The following TNKS variants were observed in gnomAD, a reference collection of about 807,000 sequenced individuals.
TNKS encodes poly [ADP-ribose] polymerase tankyrase-1.
In TNKS, 72 loss-of-function variants were observed where a neutral mutation model predicts 135.8. That is an observed-to-expected ratio of 0.53 (90% CI 0.44 to 0.64). TNKS has a LOEUF of 0.64. Among genes scored for constraint, TNKS ranks in the 30% least tolerant of loss-of-function variants. The probability of loss-of-function intolerance (pLI) is 0.00; values close to 1 mark genes in which losing one functional copy is unlikely to be tolerated. For synonymous variants in TNKS, 849 were observed against 649.3 expected (o/e 1.31, Z -4.68); for missense variants, 1,769 against 1,674.0 (o/e 1.06, Z -0.99).
Position 9,651,807 on chromosome 8 carries a change from A to G in TNKS, c.995-28144A>G, listed in dbSNP as rs1166858231. Among the ~76,000 whole-genome samples the G allele has an allele frequency of 2.6e-5, 4 of 152,152 alleles. 1 individual carries two copies. The highest frequency in any genetic ancestry group is 9.7e-5 in the African/African-American group (4 of 41,442). ...GGAAATAGTCATTATCAGCCAGGCA[A>G]ATTGGTAGTTCCTCAATATTTAACA... On this transcript the variant is annotated intron_variant, in intron 3 of 26. Coordinates refer to ENST00000310430, the MANE Select transcript of TNKS (RefSeq NM_003747.3).
At chr8:9,650,735 G>C (rs1225627967) in intron 3 of TNKS, among the ~76,000 whole-genome samples, 1 of 152,076 alleles carries the variant, frequency 6.6e-6, no homozygotes, top group Non-Finnish European at 1.5e-5. Context: ...CAGATGCATA[G>C]TTTGCAAAGA....
At chr8:9,564,502 T>G (rs1318413225) in intron 1 of TNKS, among the ~76,000 whole-genome samples, 3 of 152,256 alleles carry the variant, frequency 2.0e-5, no homozygotes, top group Non-Finnish European at 4.4e-5. Context: ...AGCTCTGTGA[T>G]GACATGAGGG....
chr8:9,586,276 C>G (rs976054402), intron 2 of TNKS, among the ~76,000 whole-genome samples: 2 of 152,026 alleles, frequency 1.3e-5, no homozygotes, highest in Non-Finnish European at 2.9e-5. Context: ...ATTAAGCTGA[C>G]TATATAAAGA....
In TNKS at chr8:9,702,437, T is replaced by G. The variant is rs536703981; in HGVS notation, c.1108-2226T>G. 2.0e-5 allele frequency among the ~76,000 whole-genome samples: 3 copies of G among 152,098 alleles called. No homozygotes were observed. In the East Asian group the frequency reaches 5.8e-4, roughly 29 times the overall value. On this transcript the variant is annotated intron_variant, in intron 5 of 26. Coordinates refer to ENST00000310430, the MANE Select transcript of TNKS (RefSeq NM_003747.3). ...GCGTATCCACAGGGGAAAAAACACA[T>G]GTACAAAGGAACAAAGATAAGGGTA...
chr8:9,675,656 A>G (rs1802501715), intron 3 of TNKS, among the ~76,000 whole-genome samples: 1 of 152,228 alleles, frequency 6.6e-6, no homozygotes, highest in Admixed American at 6.5e-5. Flanking sequence ...AGTTAAAGCT[A>G]ATAATTGTCA....
chr8:9,747,882 T>C, intron 17 of TNKS, 142 bp from the exon 18 acceptor site: 2 of 803,596 alleles, frequency 2.5e-6, no homozygotes, highest in African/African-American at 1.8e-5. Flanking sequence ...ACTGAAATAC[T>C]CTTTTTTTTA....
At chr8:9,619,834 G>C (rs1799798853) in intron 3 of TNKS, among the ~76,000 whole-genome samples, 1 of 146,624 alleles carries the variant, frequency 6.8e-6, no homozygotes, top group South Asian at 2.2e-4. Context: ...CTGCCCTTCA[G>C]ATAAGACCAA....
chr8:9,760,042 A>G (rs1311809010), intron 20 of TNKS, among the ~76,000 whole-genome samples: 2 of 152,162 alleles, frequency 1.3e-5, no homozygotes, highest in Admixed American at 6.5e-5. Context: ...AAGTTACCAC[A>G]TAGATATGAG....
Position 9,663,675 on chromosome 8 carries a change from C to A in TNKS, c.995-16276C>A, listed in dbSNP as rs548330945. Among the ~76,000 whole-genome samples, 4 of 152,278 alleles carry A rather than the reference C, an allele frequency of 2.6e-5. No homozygotes were observed. In the East Asian group the frequency reaches 5.8e-4, roughly 22 times the overall value. Reference sequence around the variant, plus strand: ...GCTGTCAATTGGGGGTTCCCATGACCTCTTCATCAAGTTTAATTATTTGCT... The same window carrying A: ...GCTGTCAATTGGGGGTTCCCATGACATCTTCATCAAGTTTAATTATTTGCT... On this transcript the variant is annotated intron_variant, in intron 3 of 26. Transcript: ENST00000310430.
At chr8:9,751,108 A>G (rs937544767) in intron 18 of TNKS, among the ~76,000 whole-genome samples, 1 of 152,238 alleles carries the variant, frequency 6.6e-6, no homozygotes, top group East Asian at 1.9e-4. Flanking sequence ...GACGGGAGGA[A>G]GGAATTGATG....
intron 13 of TNKS, among the ~76,000 whole-genome samples, chr8:9,727,722 CAT>C (rs1251784047): frequency 6.6e-6 from 1 of 152,202 alleles, no homozygotes; most frequent in Non-Finnish European, 1.5e-5. Flanking sequence ...TTCTTGATAA[CAT>C]ATACTGGTTG....
chr8:9,766,802 C>G (rs1344415377), intron 25 of TNKS, among the ~76,000 whole-genome samples: 10 of 152,112 alleles, frequency 6.6e-5, no homozygotes, highest in African/African-American at 2.2e-4. Flanking sequence ...GTTTATCAGG[C>G]TCTGCAGAAG....
chr8:9,598,807 A>G (rs1469377043), intron 2 of TNKS, among the ~76,000 whole-genome samples: 39 of 95,896 alleles, frequency 4.1e-4, no homozygotes, highest in Non-Finnish European at 7.6e-4. Flanking sequence ...ATATATATAT[A>G]TATATATATA....
intron 5 of TNKS, among the ~76,000 whole-genome samples, chr8:9,696,061 G>A (rs1282667639): frequency 6.6e-6 from 1 of 152,162 alleles, no homozygotes; most frequent in African/African-American, 2.4e-5. Flanking sequence ...ATAGTAACCA[G>A]TAACCTCCAC....
chr8:9,766,483 CTT>C (rs61212620), intron 25 of TNKS, 58 bp downstream of exon 25: 85,474 of 867,480 alleles, frequency 0.099, 731 homozygotes, highest in South Asian at 0.2. Context: ...ACCAAATTGT[CTT>C]TTTTTTTTTT....
intron 2 of TNKS, among the ~76,000 whole-genome samples, chr8:9,584,625 T>C (rs1179078157): frequency 6.6e-6 from 1 of 152,218 alleles, no homozygotes; most frequent in African/African-American, 2.4e-5. Context: ...TTAGTATAAT[T>C]GATAACAGAG....
At chr8:9,562,677 C>G (rs28670159) in intron 1 of TNKS, among the ~76,000 whole-genome samples, 3,205 of 152,264 alleles carry the variant, frequency 0.021, 57 homozygotes, top group African/African-American at 0.055. Flanking sequence ...AAACTCAGAA[C>G]TATAGGGTTT....
chr8:9,760,575 T>C (rs1287775923), intron 20 of TNKS, among the ~76,000 whole-genome samples: 1 of 152,208 alleles, frequency 6.6e-6, no homozygotes, highest in Non-Finnish European at 1.5e-5. Context: ...CAAAGACTAA[T>C]CTTGTAGACT....
intron 1 of TNKS, among the ~76,000 whole-genome samples, chr8:9,576,622 T>C (rs796206367): frequency 9.2e-5 from 14 of 152,178 alleles, no homozygotes; most frequent in African/African-American, 3.4e-4. Flanking sequence ...GTGACAGCAC[T>C]AGGGTGATGG....
Sources: gnomAD v4.1 joint callset for allele counts (sites outside exome capture counted in the v4.1 genomes callset) on GRCh38, gnomAD v4.1.1 for gene constraint, MANE v1.5 for transcripts, NCBI Gene and HGNC (gene_info 2026-07-23, HGNC 2026-07-21) for gene names.